ZNF540: variants seen among roughly 807,000 people sequenced by gnomAD.
The protein encoded by ZNF540 is zinc finger protein 540, also known as CTD-3064H18.6.
A neutral mutation model predicts 11.8 loss-of-function variants in ZNF540; 3 were observed. That is an observed-to-expected ratio of 0.25 (90% CI 0.12 to 0.65). The LOEUF is 0.65. ZNF540 is among the 30% of genes least tolerant of loss of function. The pLI is 0.83. For synonymous variants in ZNF540, 247 were observed against 259.0 expected, an observed-to-expected ratio of 0.95 and a Z score of 0.45; for missense variants, 709 against 793.1, an observed-to-expected ratio of 0.89 and a Z score of 1.27.
chr19:37,557,030 A>T (rs2042667394), intron 1 of ZNF540, among the ~76,000 whole-genome samples: 1 of 152,212 alleles, frequency 6.6e-6, no homozygotes, highest in Admixed American at 6.5e-5. Flanking sequence ...CAGGCAGCCC[A>T]TATCGAGGGA....
Position 37,573,285 on chromosome 19 carries a change from T to A in ZNF540, c.-73+21620T>A, listed in dbSNP as rs1231673729. ...AGTATTGGAGATACTGGATTCCTATTATTAACGGCATGATTGTTATACTCA... is the reference window on the plus strand; with the variant it reads ...AGTATTGGAGATACTGGATTCCTATAATTAACGGCATGATTGTTATACTCA... On this transcript the variant is annotated intron_variant, in intron 1 of 4. Transcript: ENST00000592533. 4.6e-5 allele frequency among the ~76,000 whole-genome samples: 7 copies of A among 152,170 alleles called. No homozygotes were observed. The East Asian group carries it at 1.3e-3, about 29-fold the overall frequency.
At position 37,601,069 on chromosome 19, in the gene ZNF540, G is replaced by T; in HGVS notation, c.196G>T (p.Val66Leu). The change falls in exon 4 of 5, where the codon GTG becomes TTG. Residue 66 changes from valine (V) to leucine (L), a missense_variant. Val to Leu is a conservative substitution (Grantham distance 32, BLOSUM62 1). Coordinates refer to ENST00000316433, the MANE Select transcript of ZNF540 (RefSeq NM_001172225.3). ...TLLEQGKEPC[V>L]VARDVTGRQC... ...ACTGGAGCAAGGGAAAGAGCCCTGCGTGGTGGCGAGGGATGTGACAGGAAG... is the reference window on the plus strand; with the variant it reads ...ACTGGAGCAAGGGAAAGAGCCCTGCTTGGTGGCGAGGGATGTGACAGGAAG... 1.9e-6 allele frequency: 3 copies of T among 1,588,950 alleles called. No individual in the cohort carries two copies. Among genetic ancestry groups the T allele is most frequent in the Non-Finnish European group, 1.7e-6 (2 of 1,167,580 alleles).
At chr19:37,604,765 T>C (rs901283509) in intron 4 of ZNF540, among the ~76,000 whole-genome samples, 1 of 152,178 alleles carries the variant, frequency 6.6e-6, no homozygotes, top group East Asian at 1.9e-4. Context: ...ATGTCAAAAC[T>C]TTCCATTATG....
At chr19:37,573,021 ATCT>A (rs2043119183) in intron 1 of ZNF540, among the ~76,000 whole-genome samples, 1 of 152,200 alleles carries the variant, frequency 6.6e-6, no homozygotes, top group Admixed American at 6.5e-5. Flanking sequence ...TGATTATAGA[ATCT>A]TCAATGTGAT....
At chr19:37,601,639 G>C (rs769491930) in intron 4 of ZNF540, among the ~76,000 whole-genome samples, 13 of 152,160 alleles carry the variant, frequency 8.5e-5, no homozygotes, top group Non-Finnish European at 1.8e-4. Flanking sequence ...ACCTATGAAG[G>C]GTAAAGAGAT....
intron 1 of ZNF540, among the ~76,000 whole-genome samples, chr19:37,595,617 A>G (rs1050015881): frequency 6.6e-6 from 1 of 152,172 alleles, no homozygotes; most frequent in Non-Finnish European, 1.5e-5. Context: ...TATTATAGTG[A>G]TATCTCCTGG....
At chr19:37,597,464 G>C (rs2044004938) in intron 1 of ZNF540, 1 of 152,322 alleles carries the variant, frequency 6.6e-6, no homozygotes, top group African/African-American at 2.4e-5. Flanking sequence ...TTTCAATCTT[G>C]TTACGCAGGC....
chr19:37,600,206 A>G (rs529797768), intron 3 of ZNF540, among the ~76,000 whole-genome samples: 7 of 152,184 alleles, frequency 4.6e-5, no homozygotes, highest in Non-Finnish European at 1.0e-4. Context: ...AATGCATTCT[A>G]CTTCCTAAAA....
rs1450452621 is a variant in ZNF540, at chr19:37,599,769, C to G, written c.136+17C>G. 1.3e-6 allele frequency: 2 copies of G among 1,577,280 alleles called. No individual in the cohort carries two copies. The highest frequency in any genetic ancestry group is 1.7e-6 in the Non-Finnish European group (2 of 1,160,532). On this transcript the variant is annotated intron_variant, in intron 3 of 4. Coordinates refer to ENST00000316433, the MANE Select transcript of ZNF540 (RefSeq NM_001172225.3). The stretch of plus-strand genomic sequence containing the variant: ...TCTCACTGGGTAAGGTCACCTATGT[C>G]AAATAATGTAGACTCTGTTATCTGA...
chr19:37,605,851 G>T (rs574154842), intron 4 of ZNF540, among the ~76,000 whole-genome samples: 5 of 152,014 alleles, frequency 3.3e-5, no homozygotes, highest in Non-Finnish European at 7.4e-5. Context: ...TCATTTATTT[G>T]TCATTCCTTT....
Position 37,612,593 on chromosome 19 carries a change from C to T in ZNF540, c.1313C>T (p.Pro438Leu), listed in dbSNP as rs909898196. Residue 438 changes from proline (P) to leucine (L), a missense_variant, in exon 5 of 5, where the codon CCA (proline) becomes CTA (leucine). Physicochemically the swap from Pro to Leu is moderately conservative, Grantham distance 98. Transcript: ENST00000316433. ...TCTAGAATTCATACTGGAGAGAAAC[C>T]ATATGAATGTAAGGAATGCGGGAAA... ...VHSRIHTGEKPYECKECGKAF... is the reference protein window; with the variant it reads ...VHSRIHTGEKLYECKECGKAF... 7 of 1,613,944 alleles carry T rather than the reference C, an allele frequency of 4.3e-6. No homozygotes were observed. Among genetic ancestry groups the T allele is most frequent in the Middle Eastern group, 1.6e-4 (1 of 6,084 alleles).
chr19:37,599,791 C>T (rs1299909967), intron 3 of ZNF540, 39 bp downstream of exon 3: 1 of 1,512,362 alleles, frequency 6.6e-7, no homozygotes, highest in African/African-American at 1.4e-5. Flanking sequence ...ACTCTGTTAT[C>T]TGAAATAGTA....
chr19:37,590,525 T>C (rs190100400), upstream of ZNF540, among the ~76,000 whole-genome samples: 2 of 152,286 alleles, frequency 1.3e-5, no homozygotes, highest in East Asian at 1.9e-4. Context: ...CTACATTTCA[T>C]TTTAATAAAT....
At chr19:37,571,445 G>A (rs1360594126) in intron 1 of ZNF540, among the ~76,000 whole-genome samples, 5 of 151,372 alleles carry the variant, frequency 3.3e-5, no homozygotes, top group Admixed American at 1.3e-4. Flanking sequence ...GCAGTGAGCC[G>A]AGATCACACC....
At chr19:37,555,769 A>G (rs2042652370) in intron 1 of ZNF540, 1 of 622,076 alleles carries the variant, frequency 1.6e-6, no homozygotes, top group Non-Finnish European at 2.9e-6. Context: ...ATCCTGGGAT[A>G]TAAAATCTTA....
chr19:37,589,516 G>C (rs924571987), intron 1 of ZNF540, among the ~76,000 whole-genome samples: 1 of 151,948 alleles, frequency 6.6e-6, no homozygotes, highest in African/African-American at 2.4e-5. Flanking sequence ...CATTCAACAT[G>C]TAAAATGCTC....
chr19:37,586,629 A>C (rs745612439), intron 1 of ZNF540: 2 of 1,613,108 alleles, frequency 1.2e-6, no homozygotes, highest in Non-Finnish European at 1.7e-6. Context: ...TACACAACAA[A>C]ATGATTGTAC....
At chr19:37,554,322 C>A (rs998260257) in intron 1 of ZNF540, among the ~76,000 whole-genome samples, 1 of 152,184 alleles carries the variant, frequency 6.6e-6, no homozygotes, top group Non-Finnish European at 1.5e-5. Flanking sequence ...AACACAATTT[C>A]TTTTTTCCCT....
intron 1 of ZNF540, among the ~76,000 whole-genome samples, chr19:37,574,641 C>A (rs2043182016): frequency 6.6e-6 from 1 of 152,090 alleles, no homozygotes; most frequent in Non-Finnish European, 1.5e-5. Context: ...GGTTTATCAC[C>A]ATACCTAAAC....
Sources: gnomAD v4.1 joint callset for allele counts (sites outside exome capture counted in the v4.1 genomes callset) on GRCh38, gnomAD v4.1.1 for gene constraint, MANE v1.5 for transcripts, NCBI Gene and HGNC (gene_info 2026-07-23, HGNC 2026-07-21) for gene names.